CDH26: variants seen among roughly 807,000 people sequenced by gnomAD.
CDH26 encodes the protein cadherin-like protein 26.
Under a neutral mutation model 90.3 loss-of-function variants are expected in CDH26, and 83 were observed. The ratio of observed to expected loss-of-function variants is 0.92; its 90% CI spans 0.77 to 1.10. The LOEUF (loss-of-function observed/expected upper bound fraction) is 1.10, where lower values mean the gene tolerates loss of function less well. CDH26 is among the 50% of genes least tolerant of loss of function. The pLI is 0.00. For synonymous variants in CDH26, 397 were observed against 396.3 expected (o/e 1.00, Z -0.02); for missense variants, 1,013 against 1,037.6 (o/e 0.98, Z 0.33).
intron 9 of CDH26, among the ~76,000 whole-genome samples, chr20:59,990,750 TGC>T (rs1342241295): frequency 6.6e-6 from 1 of 152,172 alleles, no homozygotes; most frequent in African/African-American, 2.4e-5. Context: ...TGCACAGTGG[TGC>T]ACCTTGAGTT....
chr20:59,992,647 T>C lies in CDH26; in HGVS notation c.1426+127T>C. The C allele has an allele frequency of 2.2e-6, 2 of 898,922 alleles. No individual in the cohort carries two copies. Among genetic ancestry groups the C allele is most frequent in the South Asian group, 1.6e-5 (1 of 61,084 alleles). 55.7% of individuals were successfully genotyped at this position (898,922 alleles called of 1,614,324 possible). A position where few individuals can be genotyped will look rare whatever the true frequency, so the allele number is the denominator to read the frequency against. On this transcript the variant is annotated intron_variant, in intron 10 of 17. Coordinates refer to ENST00000348616, the MANE Select transcript of CDH26 (RefSeq NM_177980.4). The surrounding 1 kb of genome is among the most constrained non-coding windows in gnomAD (Gnocchi z 5.0). ...AAATAAACCTTGTTATCACTCTGCA[T>C]CCATGCTGGTGATTATTTTTGGTAA...
intron 4 of CDH26, among the ~76,000 whole-genome samples, chr20:59,972,471 G>C (rs1187920015): frequency 6.6e-6 from 1 of 152,136 alleles, no homozygotes; most frequent in Admixed American, 6.5e-5. Context: ...CTGAAATATG[G>C]AGACAAGCCA....
chr20:60,010,176 C>T (rs2061812389), intron 17 of CDH26, among the ~76,000 whole-genome samples: 1 of 151,404 alleles, frequency 6.6e-6, no homozygotes, highest in South Asian at 2.1e-4. Context: ...TTGTTGCAGT[C>T]ACTGGGTGGG....
intron 10 of CDH26, among the ~76,000 whole-genome samples, chr20:59,993,116 CTA>C (rs1239292354): frequency 6.6e-6 from 1 of 152,128 alleles, no homozygotes; most frequent in Admixed American, 6.5e-5. Context: ...CTGTAATTAA[CTA>C]GTGGAATGTT....
At chr20:59,993,193 G>T (rs2061549287) in intron 10 of CDH26, among the ~76,000 whole-genome samples, 1 of 152,116 alleles carries the variant, frequency 6.6e-6, no homozygotes, top group African/African-American at 2.4e-5. Flanking sequence ...AGAAAAAATG[G>T]GGCCAGTGTT....
At chr20:60,022,605 C>A (rs2061966922) in intron 7 of CDH26, among the ~76,000 whole-genome samples, 1 of 152,218 alleles carries the variant, frequency 6.6e-6, no homozygotes, top group South Asian at 2.1e-4. Context: ...TCAAAGATGA[C>A]CTGTGGCAGC....
intron 1 of CDH26, among the ~76,000 whole-genome samples, chr20:59,959,554 C>T (rs1601067408): frequency 6.6e-6 from 1 of 151,980 alleles, no homozygotes; most frequent in Non-Finnish European, 1.5e-5. Context: ...TGCACGCCAC[C>T]ATGCCCGGCT....
chr20:60,011,185 G>C (rs1380426111), intron 17 of CDH26, among the ~76,000 whole-genome samples: 1 of 152,236 alleles, frequency 6.6e-6, no homozygotes, highest in African/African-American at 2.4e-5. Flanking sequence ...GAGAGGATGG[G>C]GCAGGGGAGA....
intron 4 of CDH26, among the ~76,000 whole-genome samples, chr20:59,979,198 A>ATTTT (rs548400785): frequency 4.0e-5 from 5 of 123,722 alleles, no homozygotes; most frequent in South Asian, 2.6e-4. Flanking sequence ...TTCTTCTTCT[A>ATTTT]TTTTTTTTTT....
intron 17 of CDH26, among the ~76,000 whole-genome samples, chr20:60,010,087 C>G (rs2061810307): frequency 6.6e-6 from 1 of 151,222 alleles, no homozygotes; most frequent in African/African-American, 2.4e-5. Context: ...TAGCAGTAGA[C>G]TGGGGCGGGG....
At chr20:59,976,920 T>C (rs902504214) in intron 4 of CDH26, among the ~76,000 whole-genome samples, 8 of 151,998 alleles carry the variant, frequency 5.3e-5, no homozygotes, top group Admixed American at 6.5e-5. Context: ...CCTAAAGCTT[T>C]CAAGGCCCTT....
At chr20:60,028,562 G>C (rs16983402) in intron 7 of CDH26, among the ~76,000 whole-genome samples, 6,196 of 152,246 alleles carry the variant, frequency 0.041, 310 homozygotes, top group African/African-American at 0.12. Flanking sequence ...GATTCAAAAC[G>C]CTGAGCAGGG....
intron 17 of CDH26, among the ~76,000 whole-genome samples, chr20:60,010,110 C>G (rs2061811105): frequency 6.6e-6 from 1 of 152,028 alleles, no homozygotes; most frequent in Non-Finnish European, 1.5e-5. Flanking sequence ...ACAGCATTTC[C>G]CACTAAACAA....
At chr20:60,035,506 GA>G (rs1216206481), downstream of CDH26, among the ~76,000 whole-genome samples, 1 of 151,976 alleles carries the variant, frequency 6.6e-6, no homozygotes, top group Non-Finnish European at 1.5e-5. Context: ...TGGAACATAT[GA>G]AATTATGTTT....
At chr20:59,968,043 CTCTCTCTCTG>C (rs1231884275) in intron 1 of CDH26, among the ~76,000 whole-genome samples, 5 of 129,916 alleles carry the variant, frequency 3.8e-5, no homozygotes, top group Non-Finnish European at 6.1e-5. Flanking sequence ...CTCTCTCTCT[CTCTCTCTCTG>C]TCTCTCTCTC....
At chr20:60,027,207 G>A (rs534580939) in intron 7 of CDH26, among the ~76,000 whole-genome samples, 1 of 152,236 alleles carries the variant, frequency 6.6e-6, no homozygotes, top group Admixed American at 6.5e-5. Flanking sequence ...GGGCCTCAAG[G>A]TCACTGCTTG....
At chr20:60,018,794 T>C (rs1239755407), downstream of CDH26, among the ~76,000 whole-genome samples, 2 of 147,130 alleles carry the variant, frequency 1.4e-5, no homozygotes, top group East Asian at 4.2e-4. Context: ...CCCTTTGTTT[T>C]TGGCTTTTCC....
chr20:59,992,608 C>T lies in CDH26; in HGVS notation c.1426+88C>T, dbSNP rs544568552. On this transcript the variant is annotated intron_variant, in intron 10 of 17. Transcript: ENST00000348616. This position sits in a 1 kb window ranked among gnomAD's most constrained non-coding sequence, Gnocchi z 5.0. ...CCCTGGTGAGCGTCTTTCAGCACAG[C>T]AGAGAAAAGGATAAAATAAACCTTG... 53 of 1,314,224 alleles carry T rather than the reference C, an allele frequency of 4.0e-5. No homozygotes were observed. In the African/African-American group the frequency reaches 6.7e-4, roughly 17 times the overall value. The allele number at this position is 1,314,224 out of a possible 1,614,324, so 81.4% of individuals were successfully genotyped here.
chr20:60,011,015 A>G (rs2061831275), intron 17 of CDH26, among the ~76,000 whole-genome samples: 1 of 152,216 alleles, frequency 6.6e-6, no homozygotes, highest in South Asian at 2.1e-4. Context: ...TCTAGCAGAG[A>G]GGCAGGAAAT....
Sources: gnomAD v4.1 joint callset for allele counts (sites outside exome capture counted in the v4.1 genomes callset) on GRCh38, gnomAD v4.1.1 for gene constraint, Gnocchi (gnomAD v3.1) non-coding constraint, MANE v1.5 for transcripts, NCBI Gene and HGNC (gene_info 2026-07-23, HGNC 2026-07-21) for gene names.